The following ATRNL1 variants were observed in gnomAD, a reference collection of about 807,000 sequenced individuals.
ATRNL1 encodes the protein attractin like 1.
Under a neutral mutation model 182.7 loss-of-function variants are expected in ATRNL1, and 95 were observed. The ratio of observed to expected loss-of-function variants is 0.52; its 90% confidence interval spans 0.44 to 0.62. The LOEUF (loss-of-function observed/expected upper bound fraction) is 0.62. ATRNL1 is among the 20% of genes least tolerant of loss of function. The pLI is 0.00. For synonymous variants in ATRNL1, 576 were observed against 568.3 expected (o/e 1.01, Z -0.19); for missense variants, 1,471 against 1,679.5 (o/e 0.88, Z 2.17).
intron 26 of ATRNL1, among the ~76,000 whole-genome samples, chr10:115,709,781 ACATCCT>A (rs1450225032): frequency 5.9e-5 from 9 of 152,058 alleles, no homozygotes; most frequent in Admixed American, 5.9e-4. Flanking sequence ...CAAATCCTGC[ACATCCT>A]TTGTCTCACA....
At chr10:115,098,419 A>T (rs1554863697) in intron 1 of ATRNL1, among the ~76,000 whole-genome samples, 15 of 127,010 alleles carry the variant, frequency 1.2e-4, no homozygotes. Flanking sequence ...GTGATTACTG[A>T]TCATCCTTCT....
At chr10:115,587,735 G>A (rs1441601702) in intron 26 of ATRNL1, among the ~76,000 whole-genome samples, 1 of 136,474 alleles carries the variant, frequency 7.3e-6, no homozygotes, top group African/African-American at 2.5e-5. Flanking sequence ...CACTCTCACT[G>A]GGAGCTGTAG....
intron 26 of ATRNL1, among the ~76,000 whole-genome samples, chr10:115,553,722 A>G (rs1853139849): frequency 6.6e-6 from 1 of 151,440 alleles, no homozygotes; most frequent in Non-Finnish European, 1.5e-5. Flanking sequence ...TTCCAGAGGC[A>G]AATACATTAG....
At chr10:115,227,360 C>A (rs978817129) in intron 9 of ATRNL1, among the ~76,000 whole-genome samples, 48 of 152,084 alleles carry the variant, frequency 3.2e-4, no homozygotes, top group African/African-American at 9.9e-4. Context: ...AATGAGGTAT[C>A]ACACCAGTCA....
At chr10:115,922,009 G>A (rs1953079654) in intron 28 of ATRNL1, among the ~76,000 whole-genome samples, 1 of 152,286 alleles carries the variant, frequency 6.6e-6, no homozygotes, top group Admixed American at 6.5e-5. Context: ...CAGTTGTAGG[G>A]TGAAGGATAG....
At chr10:115,184,570 A>G (rs1847871050) in intron 8 of ATRNL1, among the ~76,000 whole-genome samples, 1 of 151,778 alleles carries the variant, frequency 6.6e-6, no homozygotes, top group Non-Finnish European at 1.5e-5. Flanking sequence ...GAAAACAAGT[A>G]TGTTGGTTAT....
At position 115,810,253 on chromosome 10, in the gene ATRNL1, T is replaced by A. The variant is rs562163240; in HGVS notation, c.3904-37624T>A. Among the ~76,000 whole-genome samples, 248 of 152,118 alleles carry A rather than the reference T, an allele frequency of 1.6e-3. 11 individuals carry two copies. The South Asian group carries it at 0.049, about 30-fold the overall frequency. On this transcript the variant is annotated intron_variant, in intron 27 of 28. Transcript: ENST00000355044. ...ATACTAGTCAGTAATTTTTATTACT[T>A]GCCATGTCTTTTGCAACTTTAATAT...
intron 27 of ATRNL1, among the ~76,000 whole-genome samples, chr10:115,788,147 G>A (rs1555080817): frequency 6.6e-6 from 1 of 152,122 alleles, no homozygotes; most frequent in Non-Finnish European, 1.5e-5. Flanking sequence ...ATATATAGTA[G>A]TTATGTTTCT....
intron 26 of ATRNL1, among the ~76,000 whole-genome samples, chr10:115,647,107 A>G (rs531689448): frequency 1.3e-5 from 2 of 152,126 alleles, no homozygotes; most frequent in South Asian, 2.1e-4. Context: ...AGCTTCATCC[A>G]TGTCCCTACA....
In ATRNL1 at chr10:115,395,980, G is replaced by T. The variant is rs1311472793; in HGVS notation, c.3269+1228G>T. Among the ~76,000 whole-genome samples the T allele has an allele frequency of 2.6e-5, 4 of 151,498 alleles. No individual in the cohort carries two copies. The East Asian group carries it at 5.8e-4, about 22-fold the overall frequency. ...AGAAACATAGGGAAAGTTTAATAAA[G>T]AATTCTTCAAAACTATAAATATATA... is the stretch of plus-strand genomic sequence containing the variant. On this transcript the variant is annotated intron_variant, in intron 20 of 28. Transcript: ENST00000355044.
At chr10:115,130,797 G>A (rs1554874986) in intron 5 of ATRNL1, among the ~76,000 whole-genome samples, 1 of 151,910 alleles carries the variant, frequency 6.6e-6, no homozygotes, top group East Asian at 1.9e-4. Flanking sequence ...TTGATTTAAG[G>A]CCTGAGAAAT....
intron 28 of ATRNL1, among the ~76,000 whole-genome samples, chr10:115,901,987 T>C (rs1212376560): frequency 6.6e-6 from 1 of 152,266 alleles, no homozygotes; most frequent in Non-Finnish European, 1.5e-5. Context: ...AATGTAATAA[T>C]AGGGTAAATT....
chr10:115,828,715 G>T (rs577835078), intron 27 of ATRNL1, among the ~76,000 whole-genome samples: 1 of 152,226 alleles, frequency 6.6e-6, no homozygotes, highest in South Asian at 2.1e-4. Flanking sequence ...GTGGCCTAGG[G>T]GGAGTTGTTT....
chr10:115,102,316 G>A (rs988336419), intron 1 of ATRNL1, among the ~76,000 whole-genome samples: 35 of 152,076 alleles, frequency 2.3e-4, no homozygotes, highest in Middle Eastern at 6.8e-3. Context: ...TTAATTGGAC[G>A]TCTTTATGTA....
chr10:115,801,759 A>G (rs1555084410), intron 27 of ATRNL1, among the ~76,000 whole-genome samples: 1 of 152,180 alleles, frequency 6.6e-6, no homozygotes, highest in Non-Finnish European at 1.5e-5. Context: ...GCCTTGGAAG[A>G]TAAAAATAGC....
intron 25 of ATRNL1, among the ~76,000 whole-genome samples, chr10:115,524,832 A>G (rs1281783352): frequency 6.6e-6 from 1 of 152,004 alleles, no homozygotes; most frequent in Non-Finnish European, 1.5e-5. Flanking sequence ...GAACACCCCA[A>G]CTCTAATAAG....
intron 25 of ATRNL1, among the ~76,000 whole-genome samples, chr10:115,544,953 G>GT (rs1211128690): frequency 1.3e-5 from 2 of 151,972 alleles, no homozygotes; most frequent in African/African-American, 4.8e-5. Context: ...TTCTTAAACT[G>GT]TTTTTTGTTT....
chr10:115,502,538 T>C (rs1313625955), intron 24 of ATRNL1, among the ~76,000 whole-genome samples: 1 of 152,042 alleles, frequency 6.6e-6, no homozygotes, highest in Non-Finnish European at 1.5e-5. Flanking sequence ...ATGAAGCCAA[T>C]TAATTTTTTT....
intron 27 of ATRNL1, among the ~76,000 whole-genome samples, chr10:115,764,160 T>G (rs1354421767): frequency 6.6e-6 from 1 of 152,216 alleles, no homozygotes; most frequent in Non-Finnish European, 1.5e-5. Flanking sequence ...TTTATTTTTT[T>G]AGAGCAGTTT....
Sources: gnomAD v4.1 joint callset for allele counts (sites outside exome capture counted in the v4.1 genomes callset) on GRCh38, gnomAD v4.1.1 for gene constraint, MANE v1.5 for transcripts, NCBI Gene and HGNC (gene_info 2026-07-23, HGNC 2026-07-21) for gene names.